Variants in KIF16B observed in about 807,000 individuals in gnomAD.
KIF16B encodes kinesin family member 16B.
In KIF16B, 98 loss-of-function variants were observed where a neutral mutation model predicts 156.3. The observed-to-expected ratio is 0.63, with a 90% confidence interval of 0.53 to 0.74. The LOEUF is 0.74. Among genes scored for constraint, KIF16B ranks in the 30% least tolerant of loss-of-function variants. The pLI is 0.00. For synonymous variants in KIF16B, 564 were observed against 583.7 expected, an observed-to-expected ratio of 0.97 and a Z score of 0.49; for missense variants, 1,421 against 1,606.5, an observed-to-expected ratio of 0.88 and a Z score of 1.97.
Position 16,558,108 on chromosome 20 carries a change from A to T in KIF16B, c.47+15121T>A, listed in dbSNP as rs551834602. ...CACATTGAAGAAGCGACATTTGAAC[A>T]AAAACTCAAGAGAGAAGGAGTGGGA... On this transcript the variant is annotated intron_variant, in intron 1 of 25. Transcript: ENST00000354981. 1.5e-4 allele frequency among the ~76,000 whole-genome samples: 23 copies of T among 152,354 alleles called. No individual in the cohort carries two copies. In the South Asian group the frequency reaches 4.3e-3, roughly 29 times the overall value.
chr20:16,340,645 G>C (rs1268615791), intron 23 of KIF16B, among the ~76,000 whole-genome samples: 1 of 152,174 alleles, frequency 6.6e-6, no homozygotes, highest in African/African-American at 2.4e-5. Context: ...AAAGGAACTG[G>C]ACACTCAGCT....
chr20:16,386,011 G>C (rs1490770566), intron 17 of KIF16B, among the ~76,000 whole-genome samples: 1 of 152,152 alleles, frequency 6.6e-6, no homozygotes, highest in Non-Finnish European at 1.5e-5. Context: ...TGTTTACAAA[G>C]GGTCATCCAA....
At chr20:16,468,959 A>G (rs1377578154) in intron 12 of KIF16B, among the ~76,000 whole-genome samples, 6 of 152,152 alleles carry the variant, frequency 3.9e-5, no homozygotes, top group African/African-American at 1.2e-4. Context: ...ACATCTTAAC[A>G]AATGTAAAGG....
chr20:16,396,670 A>G (rs61323052), intron 17 of KIF16B, among the ~76,000 whole-genome samples: 20,284 of 100,214 alleles, frequency 0.2, 2,443 homozygotes, highest in African/African-American at 0.4. Flanking sequence ...TTTTTTGCTT[A>G]TGATTTCTAA....
At chr20:16,337,446 T>G (rs567655097) in intron 23 of KIF16B, among the ~76,000 whole-genome samples, 2 of 152,314 alleles carry the variant, frequency 1.3e-5, no homozygotes, top group East Asian at 3.9e-4. Flanking sequence ...TTTTTAAATT[T>G]TTCATCATTC....
chr20:16,302,601 C>G (rs140678559), intron 25 of KIF16B, among the ~76,000 whole-genome samples: 1 of 152,274 alleles, frequency 6.6e-6, no homozygotes, highest in East Asian at 1.9e-4. Flanking sequence ...TTGCAAAGAA[C>G]TGACATCCTA....
At chr20:16,401,262 T>C (rs562733378) in intron 17 of KIF16B, among the ~76,000 whole-genome samples, 1 of 152,256 alleles carries the variant, frequency 6.6e-6, no homozygotes, top group East Asian at 1.9e-4. Flanking sequence ...TCTCCCGAAT[T>C]CTCTGATTGC....
At chr20:16,426,133 A>G (rs1445414445) in intron 15 of KIF16B, among the ~76,000 whole-genome samples, 1 of 152,214 alleles carries the variant, frequency 6.6e-6, no homozygotes, top group Non-Finnish European at 1.5e-5. Flanking sequence ...TTACAATTCA[A>G]CATGAGATTT....
intron 22 of KIF16B, among the ~76,000 whole-genome samples, chr20:16,356,661 C>T (rs936529489): frequency 6.6e-6 from 1 of 152,118 alleles, no homozygotes; most frequent in Non-Finnish European, 1.5e-5. Flanking sequence ...TTAGGTATAC[C>T]GTTCCAAGGA....
chr20:16,336,761 C>A (rs6034455), intron 23 of KIF16B, among the ~76,000 whole-genome samples: 229 of 152,324 alleles, frequency 1.5e-3, no homozygotes, highest in Non-Finnish European at 2.1e-3. Context: ...GCCAGAGATG[C>A]TGAAGTCATC....
intron 25 of KIF16B, among the ~76,000 whole-genome samples, chr20:16,298,254 A>G (rs976178286): frequency 6.6e-6 from 1 of 152,140 alleles, no homozygotes; most frequent in Non-Finnish European, 1.5e-5. Context: ...CAGCTTTGGG[A>G]CTCACATCCT....
At position 16,469,910 on chromosome 20, in the gene KIF16B, G is replaced by A. The variant is rs75185159; in HGVS notation, c.1302+24381C>T. Reference sequence around the variant, plus strand: ...GAGCTTTACTCATAATTGCCAAATCGTGGAAGCAACCCAAAAGCAGGTGAA... The same window carrying A: ...GAGCTTTACTCATAATTGCCAAATCATGGAAGCAACCCAAAAGCAGGTGAA... On this transcript the variant is annotated intron_variant, in intron 12 of 25. Transcript: ENST00000354981. 7.5e-3 allele frequency among the ~76,000 whole-genome samples: 1,145 copies of A among 152,148 alleles called. 25 individuals carry two copies. Among genetic ancestry groups the A allele is most frequent in the African/African-American group, 0.027 (1,102 of 41,498 alleles).
rs375913086 is a variant in KIF16B at position 16,454,198 on chromosome 20, C to T, written c.1303-24216G>A. 7.2e-5 allele frequency among the ~76,000 whole-genome samples: 11 copies of T among 151,848 alleles called. No homozygotes were observed. In the East Asian group the frequency reaches 2.1e-3, roughly 29 times the overall value. ...ACAATGTATAGTTTCTTTTTTGTAG[C>T]AAGTGTGGAGGATTAAAATATATAT... On this transcript the variant is annotated intron_variant, in intron 12 of 25. Transcript: ENST00000354981.
At chr20:16,277,679 C>T (rs969873369) in intron 25 of KIF16B, among the ~76,000 whole-genome samples, 3 of 152,048 alleles carry the variant, frequency 2.0e-5, no homozygotes, top group Non-Finnish European at 4.4e-5. Flanking sequence ...AGGTGTCAAG[C>T]TGCATCTCCC....
intron 25 of KIF16B, among the ~76,000 whole-genome samples, chr20:16,308,331 T>G (rs6514674): frequency 0.36 from 55,339 of 152,090 alleles, 10,369 homozygotes; most frequent in African/African-American, 0.45. Context: ...ACAGAGTAGG[T>G]GCTCAATAAT....
chr20:16,433,023 TC>T (rs1329076328), intron 12 of KIF16B, among the ~76,000 whole-genome samples: 1 of 152,184 alleles, frequency 6.6e-6, no homozygotes, highest in Non-Finnish European at 1.5e-5. Context: ...CTGAGCACTC[TC>T]CATAAGCTAA....
intron 15 of KIF16B, among the ~76,000 whole-genome samples, chr20:16,423,436 T>G (rs986152377): frequency 1.6e-4 from 24 of 152,214 alleles, no homozygotes; most frequent in African/African-American, 5.8e-4. Context: ...GAGAAAGCAC[T>G]TACAAGGAGT....
intron 5 of KIF16B, 33 bp downstream of exon 5, chr20:16,512,793 C>G: frequency 1.4e-6 from 2 of 1,455,618 alleles, no homozygotes; most frequent in Non-Finnish European, 9.7e-7. Context: ...TCTAATCAAG[C>G]TCACACACAG....
At chr20:16,328,349 T>C (rs531349965) in intron 24 of KIF16B, among the ~76,000 whole-genome samples, 1 of 152,322 alleles carries the variant, frequency 6.6e-6, no homozygotes, top group African/African-American at 2.4e-5. Context: ...GGGACTCTAA[T>C]GACTCACTGC....
Sources: gnomAD v4.1 joint callset for allele counts (sites outside exome capture counted in the v4.1 genomes callset) on GRCh38, gnomAD v4.1.1 for gene constraint, MANE v1.5 for transcripts, NCBI Gene and HGNC (gene_info 2026-07-23, HGNC 2026-07-21) for gene names.